The following ST7 variants were observed in gnomAD, a reference collection of about 807,000 sequenced individuals.
ST7 encodes the protein suppression of tumorigenicity 7.
ST7 carries 28 observed loss-of-function variants against 78.7 expected under a neutral mutation model. The ratio of observed to expected loss-of-function variants is 0.36; its 90% CI spans 0.26 to 0.49. The LOEUF is 0.49. Among genes scored for constraint, ST7 ranks in the 20% least tolerant of loss-of-function variants. The probability of loss-of-function intolerance (pLI) is 0.99; values close to 1 mark genes in which losing one functional copy is unlikely to be tolerated. For synonymous variants in ST7, 247 were observed against 249.6 expected (o/e 0.99, Z 0.10); for missense variants, 418 against 696.0 (o/e 0.60, Z 4.49).
intron 3 of ST7, among the ~76,000 whole-genome samples, chr7:117,127,701 C>T (rs1584737152): frequency 6.6e-6 from 1 of 151,834 alleles, no homozygotes; most frequent in East Asian, 1.9e-4. Flanking sequence ...ACACAGATTT[C>T]TTTTTAAGCT....
intron 1 of ST7, among the ~76,000 whole-genome samples, chr7:117,065,212 T>C (rs1206103821): frequency 6.7e-6 from 1 of 148,882 alleles, no homozygotes; most frequent in Non-Finnish European, 1.5e-5. Context: ...GTCTTTTTTT[T>C]TTTTTTTTTT....
chr7:117,136,337 A>C (rs1351064578), intron 8 of ST7, 102 bp downstream of exon 8: 2 of 1,409,624 alleles, frequency 1.4e-6, no homozygotes, highest in Non-Finnish European at 2.0e-6. Flanking sequence ...CTCCTAGACA[A>C]GAGAAAATAT....
chr7:117,165,291 C>A (rs987285482), intron 9 of ST7, among the ~76,000 whole-genome samples: 1 of 152,130 alleles, frequency 6.6e-6, no homozygotes, highest in African/African-American at 2.4e-5. Flanking sequence ...TGACTGGCTT[C>A]TCTGTATATA....
intron 9 of ST7, among the ~76,000 whole-genome samples, chr7:117,159,352 C>T (rs537779303): frequency 2.0e-5 from 3 of 152,302 alleles, no homozygotes; most frequent in African/African-American, 7.2e-5. Context: ...CTTGGCCCAT[C>T]CCATGTTCTT....
chr7:117,158,843 G>A (rs2117199059), intron 9 of ST7, among the ~76,000 whole-genome samples: 1 of 152,176 alleles, frequency 6.6e-6, no homozygotes, highest in East Asian at 1.9e-4. Flanking sequence ...TTCTATTTAT[G>A]CCTTTATTTG....
At chr7:117,092,980 A>G (rs1010500560) in intron 1 of ST7, among the ~76,000 whole-genome samples, 2 of 152,200 alleles carry the variant, frequency 1.3e-5, no homozygotes, top group Non-Finnish European at 2.9e-5. Flanking sequence ...AAAAGACTTG[A>G]AGAAAAGGAA....
intron 10 of ST7, among the ~76,000 whole-genome samples, chr7:117,177,631 T>C (rs1227085360): frequency 6.6e-6 from 1 of 152,184 alleles, no homozygotes; most frequent in Non-Finnish European, 1.5e-5. Context: ...TGCTTGTCTT[T>C]CCCCCTGCCC....
At chr7:117,020,732 CT>C in intron 1 of ST7, 1 of 1,487,160 alleles carries the variant, frequency 6.7e-7, no homozygotes, top group Non-Finnish European at 9.1e-7. Flanking sequence ...CATTAACAAC[CT>C]TTGTATTTTG....
intron 3 of ST7, among the ~76,000 whole-genome samples, chr7:117,121,022 A>G (rs1175510226): frequency 6.6e-6 from 1 of 152,232 alleles, no homozygotes; most frequent in African/African-American, 2.4e-5. Flanking sequence ...TGTATTCACT[A>G]TAAAAAATGA....
At position 117,048,926 on chromosome 7, in the gene ST7, T is replaced by A. The variant is rs143523845; in HGVS notation, c.152-50836T>A. On this transcript the variant is annotated intron_variant, in intron 1 of 15. Transcript: ENST00000323984. ...TAGAGGCCGAATTAGAGACACTGTG[T>A]TTGGAAGCAAGTAGACCACTTCATT... 4.4e-3 allele frequency among the ~76,000 whole-genome samples: 677 copies of A among 152,300 alleles called. 6 individuals carry two copies. Among genetic ancestry groups the A allele is most frequent in the African/African-American group, 0.015 (606 of 41,552 alleles).
intron 9 of ST7, among the ~76,000 whole-genome samples, chr7:117,155,813 C>T (rs1028092214): frequency 1.3e-5 from 2 of 152,194 alleles, no homozygotes; most frequent in African/African-American, 4.8e-5. Context: ...TAAAAGTGGC[C>T]TACAAGGCTG....
chr7:116,955,586 T>A (rs1792425305), intron 1 of ST7, among the ~76,000 whole-genome samples: 1 of 152,242 alleles, frequency 6.6e-6, no homozygotes, highest in South Asian at 2.1e-4. Context: ...ACACACTAGT[T>A]TTTAAAATAT....
intron 12 of ST7, among the ~76,000 whole-genome samples, chr7:117,204,305 A>C (rs914731844): frequency 3.9e-5 from 6 of 152,246 alleles, no homozygotes; most frequent in African/African-American, 1.4e-4. Flanking sequence ...TATGTGAATG[A>C]ATGCTTTACA....
chr7:117,140,158 A>G (rs1257169022), intron 9 of ST7, among the ~76,000 whole-genome samples: 1 of 152,232 alleles, frequency 6.6e-6, no homozygotes, highest in Non-Finnish European at 1.5e-5. Flanking sequence ...ATAAAATTTC[A>G]TGTGATTAAA....
chr7:116,973,255 C>T (rs1367448961), intron 1 of ST7, among the ~76,000 whole-genome samples: 3 of 151,982 alleles, frequency 2.0e-5, no homozygotes, highest in Non-Finnish European at 4.4e-5. Context: ...GTCTCTCTCT[C>T]TCTTTATTGA....
intron 12 of ST7, among the ~76,000 whole-genome samples, chr7:117,195,569 A>G (rs771662957): frequency 1.3e-5 from 2 of 152,336 alleles, no homozygotes; most frequent in South Asian, 2.1e-4. Context: ...GGAAACTTAC[A>G]TTCATAGCGG....
intron 12 of ST7, among the ~76,000 whole-genome samples, chr7:117,201,403 C>G (rs1430917829): frequency 2.0e-5 from 3 of 152,154 alleles, no homozygotes; most frequent in Non-Finnish European, 4.4e-5. Context: ...AGGCCACCCC[C>G]ACCAGGCTCA....
intron 1 of ST7, among the ~76,000 whole-genome samples, chr7:116,993,764 G>T (rs998536010): frequency 6.6e-6 from 1 of 152,212 alleles, no homozygotes; most frequent in Non-Finnish European, 1.5e-5. Flanking sequence ...AAGGATCAGG[G>T]ATGAAATTGA....
intron 3 of ST7, among the ~76,000 whole-genome samples, chr7:117,129,260 A>C (rs980361004): frequency 1.3e-5 from 2 of 151,834 alleles, no homozygotes; most frequent in Non-Finnish European, 2.9e-5. Context: ...CAATATGGTA[A>C]TCTTATTAAT....
Sources: gnomAD v4.1 joint callset for allele counts (sites outside exome capture counted in the v4.1 genomes callset) on GRCh38, gnomAD v4.1.1 for gene constraint, MANE v1.5 for transcripts, NCBI Gene and HGNC (gene_info 2026-07-23, HGNC 2026-07-21) for gene names.